Variants in IGSF10 observed in about 807,000 individuals in gnomAD.
IGSF10 encodes immunoglobulin superfamily member 10, also known as calvaria mechanical force protein 608.
In IGSF10, 126 loss-of-function variants were observed where a neutral mutation model predicts 128.2. That is an observed-to-expected ratio of 0.98 (90% CI 0.85 to 1.14). The LOEUF (loss-of-function observed/expected upper bound fraction) is 1.14. Ranked by LOEUF, IGSF10 falls within the 50% of genes most tolerant of loss-of-function variation. The pLI is 0.00. For synonymous variants in IGSF10, 1,185 were observed against 1,146.2 expected (o/e 1.03, Z -0.68); for missense variants, 3,295 against 3,149.8 (o/e 1.05, Z -1.10).
the IGSF10 span, among the ~76,000 whole-genome samples, chr3:151,511,249 G>C: frequency 6.6e-6 from 1 of 152,226 alleles, no homozygotes; most frequent in African/African-American, 2.4e-5. Flanking sequence ...AAGCCCATCA[G>C]ATCAAGTGCT....
chr3:151,535,528 C>G, the IGSF10 span, among the ~76,000 whole-genome samples: 1 of 152,132 alleles, frequency 6.6e-6, no homozygotes, highest in Non-Finnish European at 1.5e-5. Flanking sequence ...CAATCGTACC[C>G]TAAACCCCAC....
the IGSF10 span, among the ~76,000 whole-genome samples, chr3:151,539,771 T>TCTATCTATCTATCTATCTAA: frequency 2.4e-5 from 3 of 126,136 alleles, no homozygotes; most frequent in Non-Finnish European, 5.1e-5. Context: ...ACAGCATCTA[T>TCTATCTATCTATCTATCTAA]CTATCTATCT....
the IGSF10 span, among the ~76,000 whole-genome samples, chr3:151,505,031 C>T: frequency 6.6e-6 from 1 of 152,196 alleles, no homozygotes; most frequent in African/African-American, 2.4e-5. Flanking sequence ...CTGTGCCAAC[C>T]TCTGCCTATT....
the IGSF10 span, among the ~76,000 whole-genome samples, chr3:151,584,706 C>T: frequency 6.6e-6 from 1 of 152,196 alleles, no homozygotes; most frequent in African/African-American, 2.4e-5. Flanking sequence ...ATCTCCAGAG[C>T]ATAAATTGTA....
In IGSF10 at chr3:151,453,708, A is replaced by G. The variant is rs770274683; in HGVS notation, c.391T>C (p.Leu131=). 3.7e-6 allele frequency: 6 copies of G among 1,610,552 alleles called. 1 individual carries two copies. The South Asian group carries it at 6.6e-5, about 18-fold the overall frequency. The change falls in exon 5 of 8, where the codon TTG becomes CTG. Residue 131 remains leucine (L), a synonymous_variant. Transcript: ENST00000282466. ...QKDTFYGLRS[L]TRLHMDHNNI... The stretch of plus-strand genomic sequence containing the variant: ...TTGTGGTCCATGTGCAATCGTGTCA[A>G]GCTCCTGAGGCCATAAAAAGTATCT...
chr3:151,587,705 C>T, the IGSF10 span, among the ~76,000 whole-genome samples: 11 of 152,298 alleles, frequency 7.2e-5, no homozygotes, highest in African/African-American at 2.6e-4. Context: ...TCCCATAATT[C>T]CCACATGTCA....
In IGSF10 at chr3:151,436,933, C is replaced by G; in HGVS notation, c.7628G>C (p.Gly2543Ala). ...RPPRSIVTRT[G>A]AAFQLHCVAL... ...CACACAGTGGAGCTGAAAGGCTGCCCCTGTCCTGGTGACAATACTCCTGGG... is the reference window on the plus strand; with the variant it reads ...CACACAGTGGAGCTGAAAGGCTGCCGCTGTCCTGGTGACAATACTCCTGGG... The change falls in exon 8 of 8, where the codon GGG becomes GCG. Residue 2543 changes from glycine (G) to alanine (A), a missense_variant. Physicochemically the swap from Gly to Ala is moderately conservative, Grantham distance 60 (BLOSUM62 0). Coordinates refer to ENST00000282466, the MANE Select transcript of IGSF10 (RefSeq NM_178822.5). 3 of 1,614,140 alleles carry G rather than the reference C, an allele frequency of 1.9e-6. No homozygotes were observed. The highest frequency in any genetic ancestry group is 1.3e-5 in the African/African-American group (1 of 75,030).
In IGSF10 at chr3:151,449,092, C is replaced by T. The variant is rs954583256; in HGVS notation, c.889G>A (p.Glu297Lys). 18 of 1,614,036 alleles carry T rather than the reference C, an allele frequency of 1.1e-5. No homozygotes were observed. Among genetic ancestry groups the T allele is most frequent in the Non-Finnish European group, 1.4e-5 (17 of 1,180,050 alleles). The change falls in exon 6 of 8, where the codon GAA becomes AAA. Residue 297 changes from glutamate (E) to lysine (K), a missense_variant. Coordinates refer to ENST00000282466, the MANE Select transcript of IGSF10 (RefSeq NM_178822.5). ...GAGATGAAAGCAGAACTACTGTCTT[C>T]CAGAATAGTCAGGCTCTTTGATTTC... is the stretch of plus-strand genomic sequence containing the variant. ...SLKSKSLTIL[E>K]DSSSAFISPQ... is the part of the protein sequence containing the mutation.
At chr3:151,590,184 G>A in the IGSF10 span, among the ~76,000 whole-genome samples, 74 of 151,986 alleles carry the variant, frequency 4.9e-4, no homozygotes, top group African/African-American at 1.7e-3. Flanking sequence ...GACTACAGAC[G>A]CGTGCCACCA....
At chr3:151,485,290 T>G in the IGSF10 span, among the ~76,000 whole-genome samples, 1 of 151,982 alleles carries the variant, frequency 6.6e-6, no homozygotes, top group African/African-American at 2.4e-5. Flanking sequence ...CTCCAAGAAG[T>G]ATGGGACTAT....
the IGSF10 span, among the ~76,000 whole-genome samples, chr3:151,571,504 T>C: frequency 2.0e-5 from 3 of 152,196 alleles, no homozygotes; most frequent in Non-Finnish European, 4.4e-5. Context: ...AGTTCACTCA[T>C]GATTTGGCTC....
chr3:151,587,110 C>T, the IGSF10 span, among the ~76,000 whole-genome samples: 1 of 150,436 alleles, frequency 6.6e-6, no homozygotes, highest in Non-Finnish European at 1.5e-5. Flanking sequence ...CAAAAAAAAA[C>T]CTCACAACTT....
chr3:151,482,887 T>C, the IGSF10 span, among the ~76,000 whole-genome samples: 692 of 142,502 alleles, frequency 4.9e-3, no homozygotes, highest in Middle Eastern at 0.014. Flanking sequence ...AATGGGATGA[T>C]ACAGTCTAAG....
the IGSF10 span, among the ~76,000 whole-genome samples, chr3:151,472,469 C>T: frequency 6.6e-6 from 1 of 152,168 alleles, no homozygotes; most frequent in Admixed American, 6.5e-5. Context: ...AATGCAGCGG[C>T]ATTACCATTG....
rs1721248658 is a variant in IGSF10 at position 151,447,206 on chromosome 3, CCTTA to C, written c.2771_2774del (p.Val924GlyfsTer3). On this transcript the variant is annotated frameshift_variant, in exon 6 of 8. Transcript: ENST00000282466. LOFTEE classifies it high-confidence loss of function. ...TGACATTGACATCTTTGATCATAGT[CCTTA>C]CTGTTATTGGGGGTCTACTTTGGAA... 2 of 1,614,064 alleles carry C rather than the reference CCTTA, an allele frequency of 1.2e-6. No homozygotes were observed. Among genetic ancestry groups the C allele is most frequent in the South Asian group, 2.2e-5 (2 of 91,078 alleles).
At chr3:151,590,791 T>C in the IGSF10 span, among the ~76,000 whole-genome samples, 2 of 152,192 alleles carry the variant, frequency 1.3e-5, no homozygotes, top group African/African-American at 4.8e-5. Context: ...AGAAAGCAGA[T>C]AAATTTGACT....
chr3:151,503,276 G>C, the IGSF10 span, among the ~76,000 whole-genome samples: 1 of 151,868 alleles, frequency 6.6e-6, no homozygotes, highest in East Asian at 1.9e-4. Flanking sequence ...CCAAGAGTGA[G>C]AACAAGCAGA....
At chr3:151,504,723 TAC>T in the IGSF10 span, among the ~76,000 whole-genome samples, 1 of 152,240 alleles carries the variant, frequency 6.6e-6, no homozygotes, top group Non-Finnish European at 1.5e-5. Context: ...TGAAATTGTA[TAC>T]AGACTGTAGT....
At chr3:151,505,581 T>C in the IGSF10 span, among the ~76,000 whole-genome samples, 1 of 152,140 alleles carries the variant, frequency 6.6e-6, no homozygotes. Flanking sequence ...CTTATATATG[T>C]ATAGGTATTA....
Sources: gnomAD v4.1 joint callset for allele counts (sites outside exome capture counted in the v4.1 genomes callset) on GRCh38, gnomAD v4.1.1 for gene constraint, MANE v1.5 for transcripts, NCBI Gene and HGNC (gene_info 2026-07-23, HGNC 2026-07-21) for gene names.